The following CFAP61 variants were observed in gnomAD, a reference collection of about 807,000 sequenced individuals.
CFAP61 encodes the protein cilia- and flagella-associated protein 61.
Under a neutral mutation model 135.6 loss-of-function variants are expected in CFAP61, and 107 were observed. That is an observed-to-expected ratio of 0.79 (90% CI 0.67 to 0.93). The LOEUF (loss-of-function observed/expected upper bound fraction) is 0.93, where lower values mean the gene tolerates loss of function less well. CFAP61 is among the 40% of genes least tolerant of loss of function. The probability of loss-of-function intolerance (pLI) is 0.00; values close to 1 mark genes in which losing one functional copy is unlikely to be tolerated. For synonymous variants in CFAP61, 575 were observed against 578.5 expected, an observed-to-expected ratio of 0.99 and a Z score of 0.09; for missense variants, 1,507 against 1,556.2, an observed-to-expected ratio of 0.97 and a Z score of 0.53.
At chr20:20,122,659 C>T (rs1429730670) in intron 8 of CFAP61, among the ~76,000 whole-genome samples, 2 of 152,108 alleles carry the variant, frequency 1.3e-5, no homozygotes, top group Non-Finnish European at 2.9e-5. Context: ...TTTTTCCACT[C>T]GTTGATTGAT....
intron 26 of CFAP61, among the ~76,000 whole-genome samples, chr20:20,353,313 G>A (rs2058917485): frequency 6.6e-6 from 1 of 152,170 alleles, no homozygotes; most frequent in Non-Finnish European, 1.5e-5. Flanking sequence ...TAATTGGCAT[G>A]TCTAAATGGT....
chr20:20,225,396 C>T (rs1490026532), intron 17 of CFAP61: 2 of 152,178 alleles, frequency 1.3e-5, no homozygotes, highest in Non-Finnish European at 2.9e-5. Context: ...TCTCCTGAGA[C>T]ACCCACCATC....
chr20:20,274,647 G>A (rs569301135), intron 21 of CFAP61, among the ~76,000 whole-genome samples: 185 of 152,104 alleles, frequency 1.2e-3, no homozygotes, highest in Non-Finnish European at 2.4e-3. Flanking sequence ...GGCAACAGGC[G>A]AGACTCTGTC....
Position 20,145,253 on chromosome 20 carries a change from G to A in CFAP61, c.951+2305G>A, listed in dbSNP as rs1283211932. Among the ~76,000 whole-genome samples the A allele has an allele frequency of 7.9e-5, 12 of 152,284 alleles. No homozygotes were observed. In the South Asian group the frequency reaches 2.3e-3, roughly 29 times the overall value. On this transcript the variant is annotated intron_variant, in intron 9 of 26. Coordinates refer to ENST00000245957, the MANE Select transcript of CFAP61 (RefSeq NM_015585.4). The stretch of plus-strand genomic sequence containing the variant: ...ATGACAAGAATAGCACAAAGAGCTT[G>A]AGAGGAGACCCAGAGGGGAAAAGTA...
intron 21 of CFAP61, among the ~76,000 whole-genome samples, chr20:20,273,421 G>C (rs2053513143): frequency 6.6e-6 from 1 of 152,152 alleles, no homozygotes; most frequent in African/African-American, 2.4e-5. Context: ...AGCCCATTCT[G>C]TGACTGGATA....
At chr20:20,147,892 T>A (rs565287347) in intron 9 of CFAP61, among the ~76,000 whole-genome samples, 32 of 152,352 alleles carry the variant, frequency 2.1e-4, no homozygotes, top group Admixed American at 2.1e-3. Context: ...AGGTCTTAGA[T>A]TTAAGTCTTT....
rs955681093 is a variant in CFAP61 at position 20,069,762 on chromosome 20, T to G, written c.144-1092T>G. On this transcript the variant is annotated intron_variant, in intron 2 of 26. Coordinates refer to ENST00000245957, the MANE Select transcript of CFAP61 (RefSeq NM_015585.4). ...TTGCTTAGATTTTCTCGTTCTTGTC[T>G]GCACTGACAGTGTATTCCTTCTGTG... is the stretch of plus-strand genomic sequence containing the variant. The G allele has an allele frequency of 1.5e-5, 7 of 456,340 alleles. No homozygotes were observed. In the Admixed American group the frequency reaches 1.6e-4, roughly 11 times the overall value. The allele number at this position is 456,340 out of a possible 1,614,324, so 28.3% of individuals were successfully genotyped here.
chr20:20,118,978 G>A (rs1441041751), intron 8 of CFAP61, among the ~76,000 whole-genome samples: 4 of 151,942 alleles, frequency 2.6e-5, no homozygotes, highest in South Asian at 2.1e-4. Flanking sequence ...CATTGTGCCC[G>A]ACTGGTGAAT....
At chr20:20,246,061 A>C in intron 18 of CFAP61, 56 bp from the exon 19 acceptor site, 1 of 1,086,898 alleles carries the variant, frequency 9.2e-7, no homozygotes. Flanking sequence ...ATTATGATAA[A>C]CTTTTGCTAA....
At chr20:20,053,624 T>C (rs765159032) in intron 1 of CFAP61, among the ~76,000 whole-genome samples, 1 of 152,234 alleles carries the variant, frequency 6.6e-6, no homozygotes, top group Non-Finnish European at 1.5e-5. Flanking sequence ...AATGCAGATA[T>C]TACTTTCAAC....
intron 8 of CFAP61, among the ~76,000 whole-genome samples, chr20:20,109,987 A>G (rs1026717062): frequency 6.7e-6 from 1 of 149,196 alleles, no homozygotes; most frequent in Non-Finnish European, 1.5e-5. Flanking sequence ...GCTCACTGCA[A>G]CCTCCGCCTC....
intron 8 of CFAP61, among the ~76,000 whole-genome samples, chr20:20,113,925 T>C (rs1444406600): frequency 1.3e-5 from 2 of 148,276 alleles, no homozygotes; most frequent in Non-Finnish European, 3.0e-5. Context: ...TTATCCTTTT[T>C]ATTCTTAGTT....
chr20:20,160,309 T>C (rs1217693787), intron 10 of CFAP61, among the ~76,000 whole-genome samples: 2 of 152,096 alleles, frequency 1.3e-5, no homozygotes, highest in Non-Finnish European at 2.9e-5. Flanking sequence ...CTTGGTCATA[T>C]CCATAGAGGC....
rs780742816 is a variant in CFAP61 at position 20,097,094 on chromosome 20, CTATT to C, written c.700-1559_700-1556del. Reference sequence around the variant, plus strand: ...TCGAGAACAAATAGTAGTTTAATACCTATTTTTTTTTTTTTTTTTGGTGTCATTT... The same window carrying C: ...TCGAGAACAAATAGTAGTTTAATACCTTTTTTTTTTTTTTTGGTGTCATTT... On this transcript the variant is annotated intron_variant, in intron 7 of 26. Transcript: ENST00000245957. Among the ~76,000 whole-genome samples, 112 of 30,906 alleles carry C rather than the reference CTATT, an allele frequency of 3.6e-3. No homozygotes were observed. The East Asian group carries it at 0.1, about 28-fold the overall frequency. 20.3% of individuals were successfully genotyped at this position (30,906 alleles called of 152,430 possible). A position where few individuals can be genotyped will look rare whatever the true frequency, so the allele number is the denominator to read the frequency against.
intron 20 of CFAP61, among the ~76,000 whole-genome samples, chr20:20,255,396 C>G (rs1048067358): frequency 1.3e-5 from 2 of 152,182 alleles, no homozygotes; most frequent in African/African-American, 4.8e-5. Context: ...GTGGTATGGA[C>G]TGTTCATGGG....
At position 20,263,009 on chromosome 20, in the gene CFAP61, T is replaced by A; in HGVS notation, c.2382T>A (p.Val794=). 6.2e-7 allele frequency: 1 copy of A among 1,613,922 alleles called. No individual in the cohort carries two copies. The highest frequency in any genetic ancestry group is 8.5e-7 in the Non-Finnish European group (1 of 1,179,912). Residue 794 remains valine, a synonymous_variant, in exon 21 of 27, where the codon GTT becomes GTA. Transcript: ENST00000245957. ...DISQHLTNRE[V]PNSSQRRYTG... is the part of the protein sequence containing the mutation. ...GTCAACACCTGACAAACAGGGAGGT[T>A]CCCAACAGCAGTCAGCGGCGGTACA...
chr20:20,132,079 T>C (rs2050575908), intron 8 of CFAP61, among the ~76,000 whole-genome samples: 1 of 152,036 alleles, frequency 6.6e-6, no homozygotes, highest in African/African-American at 2.4e-5. Flanking sequence ...AACTCCCCAT[T>C]TTCCCCTCTT....
chr20:20,100,640 T>G (rs777789019), intron 8 of CFAP61, among the ~76,000 whole-genome samples: 1 of 152,206 alleles, frequency 6.6e-6, no homozygotes, highest in Non-Finnish European at 1.5e-5. Context: ...TTTTTTCCCC[T>G]GTGGCTGTTG....
At chr20:20,343,231 G>A (rs2122385920) in intron 26 of CFAP61, among the ~76,000 whole-genome samples, 1 of 152,312 alleles carries the variant, frequency 6.6e-6, no homozygotes, top group South Asian at 2.1e-4. Context: ...CCCAAAGCTG[G>A]GAACATGGTT....
Sources: allele counts gnomAD v4.1 joint callset (sites outside exome capture counted in the v4.1 genomes callset), GRCh38; gene constraint gnomAD v4.1.1; transcripts MANE v1.5; gene names NCBI Gene and HGNC (gene_info 2026-07-23, HGNC 2026-07-21).